ACTR3C: variants seen among roughly 807,000 people sequenced by gnomAD.
The protein encoded by ACTR3C is actin-related protein 3C.
A neutral mutation model predicts 26.3 loss-of-function variants in ACTR3C; 18 were observed. That is an observed-to-expected ratio of 0.68 (90% CI 0.47 to 1.01). The LOEUF (loss-of-function observed/expected upper bound fraction) is 1.01, where lower values mean the gene tolerates loss of function less well. Ranked by LOEUF, ACTR3C falls within the 50% of genes least tolerant of loss-of-function variation. ACTR3C has a pLI of 0.00. For missense variants in ACTR3C, 184 were observed against 250.7 expected (o/e 0.73, Z 1.80); for synonymous variants, 55 against 94.5 (o/e 0.58, Z 2.42).
the ACTR3C span, among the ~76,000 whole-genome samples, chr7:150,215,629 T>C: frequency 1.7e-4 from 26 of 152,244 alleles, no homozygotes; most frequent in Middle Eastern, 3.4e-3. Context: ...AAAGGTGGAA[T>C]GAGAACGAAA....
At chr7:150,084,544 A>G in the ACTR3C span, among the ~76,000 whole-genome samples, 33 of 152,298 alleles carry the variant, frequency 2.2e-4, no homozygotes, top group Middle Eastern at 6.8e-3. Context: ...CTTGAATGGC[A>G]GGAAGATCTA....
At chr7:150,150,718 A>G in the ACTR3C span, among the ~76,000 whole-genome samples, 4 of 139,064 alleles carry the variant, frequency 2.9e-5, 1 homozygote, top group East Asian at 2.6e-4. Context: ...TAAAGGAAGA[A>G]AGGGGATTTA....
At chr7:150,178,443 C>T in the ACTR3C span, among the ~76,000 whole-genome samples, 14 of 150,132 alleles carry the variant, frequency 9.3e-5, no homozygotes, top group African/African-American at 1.3e-4. Flanking sequence ...CCACCATGCC[C>T]GGCTAATGTT....
At chr7:150,308,045 C>T (rs1378958300) in intron 1 of ACTR3C, among the ~76,000 whole-genome samples, 4 of 152,198 alleles carry the variant, frequency 2.6e-5, no homozygotes, top group African/African-American at 9.7e-5. Flanking sequence ...GACAGTCTTT[C>T]CTTGGTGTCT....
At chr7:150,041,208 A>G in the ACTR3C span, among the ~76,000 whole-genome samples, 1 of 137,070 alleles carries the variant, frequency 7.3e-6, no homozygotes, top group Non-Finnish European at 1.6e-5. Flanking sequence ...CGGGTCCCCG[A>G]CCCCTTTGTG....
chr7:150,267,581 A>G (rs1288872128), intron 6 of ACTR3C, among the ~76,000 whole-genome samples: 1 of 152,204 alleles, frequency 6.6e-6, no homozygotes, highest in Non-Finnish European at 1.5e-5. Context: ...TGGTGATGCT[A>G]ACACACTGTT....
chr7:150,314,672 G>A (rs927775847), intron 1 of ACTR3C, among the ~76,000 whole-genome samples: 1 of 151,468 alleles, frequency 6.6e-6, no homozygotes, highest in African/African-American at 2.4e-5. Flanking sequence ...GCTGAGCTTG[G>A]TGGCTCATGC....
At chr7:150,211,677 G>A in the ACTR3C span, among the ~76,000 whole-genome samples, 1 of 150,170 alleles carries the variant, frequency 6.7e-6, no homozygotes, top group African/African-American at 2.5e-5. Flanking sequence ...GGTGAACAAA[G>A]GCCCAGAGAG....
the ACTR3C span, among the ~76,000 whole-genome samples, chr7:150,051,568 G>GGTTA: frequency 1.1e-5 from 1 of 88,426 alleles, no homozygotes; most frequent in Non-Finnish European, 2.5e-5. Context: ...CTACTTATTG[G>GGTTA]GTGTGAGAAA....
chr7:150,005,282 G>A, the ACTR3C span, among the ~76,000 whole-genome samples: 2 of 152,142 alleles, frequency 1.3e-5, no homozygotes, highest in East Asian at 3.8e-4. Flanking sequence ...TTCTGCATAA[G>A]CACAGCTCCC....
chr7:150,199,824 A>G, the ACTR3C span, among the ~76,000 whole-genome samples: 3 of 151,374 alleles, frequency 2.0e-5, no homozygotes, highest in Admixed American at 2.0e-4. Flanking sequence ...TTATTTCACA[A>G]TGTATGCATA....
At chr7:150,067,074 G>A in the ACTR3C span, among the ~76,000 whole-genome samples, 19 of 152,208 alleles carry the variant, frequency 1.2e-4, no homozygotes, top group Admixed American at 4.6e-4. Context: ...AGACAGAGAC[G>A]AAGGGACTCT....
At chr7:150,181,471 C>A in the ACTR3C span, among the ~76,000 whole-genome samples, 1 of 150,674 alleles carries the variant, frequency 6.6e-6, no homozygotes, top group African/African-American at 2.5e-5. Context: ...CACCAGTAGT[C>A]CCAGGTACTC....
At chr7:150,091,128 C>T in the ACTR3C span, among the ~76,000 whole-genome samples, 87 of 147,670 alleles carry the variant, frequency 5.9e-4, 3 homozygotes, top group South Asian at 0.02. Context: ...ATCTCATTAG[C>T]AGGAGACCAG....
At chr7:150,170,472 T>G in the ACTR3C span, among the ~76,000 whole-genome samples, 5 of 150,310 alleles carry the variant, frequency 3.3e-5, no homozygotes, top group Non-Finnish European at 7.4e-5. Context: ...ACTGCCAACT[T>G]AGGAAGCTGA....
At chr7:150,249,402 C>T (rs1832672903) in intron 6 of ACTR3C, among the ~76,000 whole-genome samples, 1 of 152,108 alleles carries the variant, frequency 6.6e-6, no homozygotes, top group Non-Finnish European at 1.5e-5. Context: ...AACAAACCTA[C>T]CCTTACAGAA....
chr7:150,103,073 ATGTG>A, the ACTR3C span, among the ~76,000 whole-genome samples: 4 of 147,046 alleles, frequency 2.7e-5, no homozygotes, highest in South Asian at 2.1e-4. Flanking sequence ...GTGTGTGTGT[ATGTG>A]TGTGTGTGTG....
At chr7:150,295,537 G>A (rs1240332148) in intron 1 of ACTR3C, among the ~76,000 whole-genome samples, 190 bp from the exon 2 acceptor site, 1 of 152,300 alleles carries the variant, frequency 6.6e-6, no homozygotes, top group Admixed American at 6.5e-5. Flanking sequence ...AGACGTCAGA[G>A]TAAATACTTC....
chr7:150,170,415 G>A, the ACTR3C span, among the ~76,000 whole-genome samples: 1 of 144,324 alleles, frequency 6.9e-6, no homozygotes, highest in Non-Finnish European at 1.5e-5. Flanking sequence ...CAGGGCTCCT[G>A]GGTATTTTAC....
Sources: gnomAD v4.1 joint callset for allele counts (sites outside exome capture counted in the v4.1 genomes callset) on GRCh38, gnomAD v4.1.1 for gene constraint, MANE v1.5 for transcripts, NCBI Gene and HGNC (gene_info 2026-07-23, HGNC 2026-07-21) for gene names.